Variants in CCDC149 observed in about 807,000 individuals in gnomAD.
CCDC149 encodes the protein coiled-coil domain containing 149.
In CCDC149, 45 loss-of-function variants were observed where a neutral mutation model predicts 59.9. The ratio of observed to expected loss-of-function variants is 0.75; its 90% CI spans 0.59 to 0.96. CCDC149 has a LOEUF of 0.96. CCDC149 is among the 40% of genes least tolerant of loss of function. The pLI is 0.00. For missense variants in CCDC149, 584 were observed against 664.7 expected, an observed-to-expected ratio of 0.88 and a Z score of 1.33; for synonymous variants, 245 against 260.6, an observed-to-expected ratio of 0.94 and a Z score of 0.58.
At chr4:24,874,483 G>A (rs1221484911) in intron 2 of CCDC149, among the ~76,000 whole-genome samples, 5 of 151,982 alleles carry the variant, frequency 3.3e-5, no homozygotes, top group African/African-American at 9.7e-5. Flanking sequence ...TAGGGAGGCT[G>A]AGGCAGGAGA....
intron 1 of CCDC149, among the ~76,000 whole-genome samples, chr4:24,890,093 C>A (rs564871564): frequency 6.6e-6 from 1 of 152,130 alleles, no homozygotes; most frequent in East Asian, 1.9e-4. Context: ...AGAAGCAATG[C>A]GGCACCTGGG....
At chr4:24,850,813 C>T (rs1165819928) in intron 4 of CCDC149, among the ~76,000 whole-genome samples, 3 of 152,132 alleles carry the variant, frequency 2.0e-5, no homozygotes, top group African/African-American at 7.2e-5. Flanking sequence ...CTCAAGAAAG[C>T]CTGGTGCCAT....
chr4:24,888,949 C>T (rs1234331298), intron 1 of CCDC149, among the ~76,000 whole-genome samples: 1 of 151,846 alleles, frequency 6.6e-6, no homozygotes, highest in African/African-American at 2.4e-5. Flanking sequence ...TTCTCAGACT[C>T]ACCATGCCGT....
At chr4:24,932,357 G>C (rs1577491702) in intron 1 of CCDC149, among the ~76,000 whole-genome samples, 1 of 152,116 alleles carries the variant, frequency 6.6e-6, no homozygotes, top group Admixed American at 6.6e-5. Flanking sequence ...TAGGAGATGT[G>C]ATTATTTCTC....
At chr4:24,916,824 G>GTGTGTGTGTGTA (rs773321362), upstream of CCDC149, among the ~76,000 whole-genome samples, 52 of 148,406 alleles carry the variant, frequency 3.5e-4, no homozygotes, top group African/African-American at 1.3e-3. Context: ...GTGTGTGTGT[G>GTGTGTGTGTGTA]TACATATATT....
Position 24,939,743 on chromosome 4 carries a change from C to T in CCDC149, c.-65+40326G>A, listed in dbSNP as rs561135124. Among the ~76,000 whole-genome samples, 15 of 152,126 alleles carry T rather than the reference C, an allele frequency of 9.9e-5. No individual in the cohort carries two copies. The East Asian group carries it at 2.3e-3, about 24-fold the overall frequency. ...AAACCACAGCACGAGAACTACGCGA[C>T]GAACGCACAAGCCTCAGTAACCGAT... On this transcript the variant is annotated intron_variant, in intron 1 of 12. Transcript: ENST00000389609.
intron 4 of CCDC149, among the ~76,000 whole-genome samples, chr4:24,847,851 A>C: frequency 6.6e-6 from 1 of 152,176 alleles, no homozygotes; most frequent in African/African-American, 2.4e-5. Flanking sequence ...TTCCAAGTTC[A>C]GTGACTTCAC....
intron 12 of CCDC149, among the ~76,000 whole-genome samples, chr4:24,810,460 T>C (rs1251278496): frequency 6.6e-6 from 1 of 152,182 alleles, no homozygotes; most frequent in Admixed American, 6.5e-5. Flanking sequence ...CCAGGACTCC[T>C]GGACCCCCTT....
intron 4 of CCDC149, among the ~76,000 whole-genome samples, chr4:24,844,490 G>A (rs901174867): frequency 2.0e-5 from 3 of 152,060 alleles, no homozygotes; most frequent in African/African-American, 4.8e-5. Context: ...TCAATGGGCC[G>A]GGCCAGGCAT....
At chr4:24,948,255 A>G (rs1009231890) in intron 1 of CCDC149, among the ~76,000 whole-genome samples, 1 of 152,252 alleles carries the variant, frequency 6.6e-6, no homozygotes, top group Non-Finnish European at 1.5e-5. Flanking sequence ...CCATCAGGTG[A>G]CAAGGGTTCT....
At chr4:24,836,101 G>A (rs1035383467) in intron 7 of CCDC149, among the ~76,000 whole-genome samples, 2 of 152,196 alleles carry the variant, frequency 1.3e-5, no homozygotes, top group Non-Finnish European at 2.9e-5. Flanking sequence ...TAGAGAAAAC[G>A]GGTAAGAAAC....
intron 1 of CCDC149, among the ~76,000 whole-genome samples, chr4:24,890,501 C>G (rs567205084): frequency 1.8e-4 from 27 of 152,290 alleles, no homozygotes; most frequent in African/African-American, 5.5e-4. Flanking sequence ...AGAAAAAGCA[C>G]TCAATAAACT....
At chr4:24,874,505 C>T (rs775841883) in intron 2 of CCDC149, among the ~76,000 whole-genome samples, 74 of 151,902 alleles carry the variant, frequency 4.9e-4, no homozygotes, top group Non-Finnish European at 9.7e-4. Context: ...TTGCTTGTAC[C>T]CAGGAGGCAG....
At chr4:24,903,790 T>C (rs1721316818) in intron 1 of CCDC149, among the ~76,000 whole-genome samples, 1 of 141,876 alleles carries the variant, frequency 7.0e-6, no homozygotes, top group Non-Finnish European at 1.5e-5. Flanking sequence ...TCTGTCTTTT[T>C]AATTTTTAGC....
intron 1 of CCDC149, among the ~76,000 whole-genome samples, chr4:24,967,304 A>G (rs1047924146): frequency 2.0e-5 from 3 of 152,172 alleles, no homozygotes; most frequent in African/African-American, 4.8e-5. Context: ...TGAGACAATT[A>G]AAAAGCTGGA....
chr4:24,867,051 T>G (rs944882760), intron 3 of CCDC149, among the ~76,000 whole-genome samples: 1 of 152,178 alleles, frequency 6.6e-6, no homozygotes, highest in Non-Finnish European at 1.5e-5. Context: ...ACAAAAAGCC[T>G]GAACTACAGC....
Position 24,901,738 on chromosome 4 carries a change from C to T in CCDC149, c.63+11079G>A, listed in dbSNP as rs570375333. On this transcript the variant is annotated intron_variant, in intron 1 of 12. Coordinates refer to ENST00000635206, the MANE Select transcript of CCDC149 (RefSeq NM_001330643.2). ...TGCACAGTTCTGAACAGAACCCATGCTCTTCTCACCAAACTCATATCTCCT... is the reference window on the plus strand; with the variant it reads ...TGCACAGTTCTGAACAGAACCCATGTTCTTCTCACCAAACTCATATCTCCT... 4.1e-4 allele frequency among the ~76,000 whole-genome samples: 62 copies of T among 152,300 alleles called. 1 individual carries two copies. The South Asian group carries it at 0.011, about 26-fold the overall frequency.
intron 2 of CCDC149, among the ~76,000 whole-genome samples, chr4:24,876,292 TACAC>T (rs61406129): frequency 0.081 from 10,146 of 124,508 alleles, 407 homozygotes; most frequent in East Asian, 0.14. Context: ...CATACACACG[TACAC>T]ACACACACAC....
chr4:24,896,196 T>C (rs1720836697), intron 1 of CCDC149, among the ~76,000 whole-genome samples: 1 of 152,182 alleles, frequency 6.6e-6, no homozygotes. Flanking sequence ...TGAATTACCA[T>C]GTCTTTGTTT....
Sources: gnomAD v4.1 joint callset for allele counts (sites outside exome capture counted in the v4.1 genomes callset) on GRCh38, gnomAD v4.1.1 for gene constraint, MANE v1.5 for transcripts, NCBI Gene and HGNC (gene_info 2026-07-23, HGNC 2026-07-21) for gene names.